NFIB: variants seen among roughly 807,000 people sequenced by gnomAD.
NFIB encodes the protein nuclear factor 1 B-type.
In NFIB, 11 loss-of-function variants were observed where a neutral mutation model predicts 61.5. The observed-to-expected ratio is 0.18, with a 90% CI of 0.11 to 0.30. The LOEUF is 0.30. Among genes scored for constraint, NFIB ranks in the 10% least tolerant of loss-of-function variants. The probability of loss-of-function intolerance (pLI) is 1.00; values close to 1 mark genes in which losing one functional copy is unlikely to be tolerated. For synonymous variants in NFIB, 260 were observed against 216.5 expected (o/e 1.20, Z -1.76); for missense variants, 471 against 608.9 (o/e 0.77, Z 2.38).
At chr9:14,199,615 T>C (rs995812469) in intron 2 of NFIB, among the ~76,000 whole-genome samples, 16 of 152,370 alleles carry the variant, frequency 1.1e-4, no homozygotes, top group African/African-American at 3.6e-4. Flanking sequence ...AGTCTCATTA[T>C]GCTTATAGCC....
chr9:14,294,712 A>G (rs925286543), intron 2 of NFIB, among the ~76,000 whole-genome samples: 2 of 152,204 alleles, frequency 1.3e-5, no homozygotes, highest in Non-Finnish European at 2.9e-5. Flanking sequence ...CAAACAGTGA[A>G]ATAACTTTTC....
In NFIB at chr9:14,125,660, A is replaced by C. The variant is rs1161710546; in HGVS notation, c.1032T>G (p.His344Gln). 3 of 1,614,094 alleles carry C rather than the reference A, an allele frequency of 1.9e-6. No individual in the cohort carries two copies. Among genetic ancestry groups the C allele is most frequent in the Non-Finnish European group, 1.7e-6 (2 of 1,179,978 alleles). ...TGTGTGCAACTCCAGGTATTCCGGG[A>C]TGGTGGTGCTGGGGGAAAGTGCTCA... Reference protein sequence around the residue: ...PRLSTFPQHHHPGIPGVAHSV... With the variant: ...PRLSTFPQHHQPGIPGVAHSV... The change falls in exon 7 of 11, where the codon CAT becomes CAG. Residue 344 changes from histidine (H) to glutamine (Q), a missense_variant. Around this residue, in one of 2 missense-constraint regions of NFIB, gnomAD observed 372 missense variants for 395.6 expected, o/e 0.94. Coordinates refer to ENST00000380953, the MANE Select transcript of NFIB (RefSeq NM_001190737.2).
chr9:14,093,167 G>A (rs2034219677), intron 10 of NFIB, among the ~76,000 whole-genome samples: 1 of 152,116 alleles, frequency 6.6e-6, no homozygotes, highest in African/African-American at 2.4e-5. Flanking sequence ...TTTATTTGGA[G>A]GTGATGAAAC....
intron 6 of NFIB, among the ~76,000 whole-genome samples, chr9:14,137,752 T>C (rs919084384): frequency 2.6e-5 from 4 of 152,136 alleles, no homozygotes; most frequent in African/African-American, 7.2e-5. Context: ...TTGACAAATA[T>C]AGCTCATTTT....
At chr9:14,128,806 G>A (rs2040034668) in intron 6 of NFIB, among the ~76,000 whole-genome samples, 2 of 151,944 alleles carry the variant, frequency 1.3e-5, no homozygotes, top group South Asian at 2.1e-4. Context: ...TGCAACTACT[G>A]TAACTATATC....
At chr9:14,529,853 A>T in the NFIB span, among the ~76,000 whole-genome samples, 1 of 152,196 alleles carries the variant, frequency 6.6e-6, no homozygotes, top group Non-Finnish European at 1.5e-5. Context: ...GTCCCTGTAC[A>T]CACTCGGCAT....
intron 1 of NFIB, among the ~76,000 whole-genome samples, chr9:14,309,138 T>G (rs1213545072): frequency 2.0e-5 from 3 of 152,208 alleles, no homozygotes; most frequent in African/African-American, 7.2e-5. Context: ...CACCCTGAAC[T>G]ACGTGGAATA....
intron 2 of NFIB, among the ~76,000 whole-genome samples, chr9:14,245,675 C>T (rs2132078334): frequency 6.6e-6 from 1 of 152,170 alleles, no homozygotes; most frequent in South Asian, 2.1e-4. Flanking sequence ...GAGTTCAAGA[C>T]CAACCTGGCC....
At chr9:14,471,197 C>T in the NFIB span, among the ~76,000 whole-genome samples, 1 of 152,200 alleles carries the variant, frequency 6.6e-6, no homozygotes, top group South Asian at 2.1e-4. Context: ...TCCAGTCTTT[C>T]ACTTAAACAG....
chr9:14,403,032 A>G (rs2061756914), upstream of NFIB, among the ~76,000 whole-genome samples: 1 of 152,228 alleles, frequency 6.6e-6, no homozygotes, highest in African/African-American at 2.4e-5. Flanking sequence ...CATCCAGGCT[A>G]ATAGTCTCAG....
intron 2 of NFIB, among the ~76,000 whole-genome samples, chr9:14,247,690 T>C (rs2055089756): frequency 6.6e-6 from 1 of 152,204 alleles, no homozygotes; most frequent in South Asian, 2.1e-4. Flanking sequence ...ACTTACCTTG[T>C]AGGGTCACTG....
At chr9:14,175,826 T>A (rs2046126403) in intron 3 of NFIB, among the ~76,000 whole-genome samples, 1 of 152,250 alleles carries the variant, frequency 6.6e-6, no homozygotes, top group Non-Finnish European at 1.5e-5. Flanking sequence ...GCATTTAACA[T>A]GTCTTCGTCA....
the NFIB span, among the ~76,000 whole-genome samples, chr9:14,432,016 T>G: frequency 1.3e-5 from 2 of 152,192 alleles, no homozygotes; most frequent in Non-Finnish European, 2.9e-5. Context: ...GGGAGACAAC[T>G]GAGGTGTCTC....
At chr9:14,429,693 A>G in the NFIB span, among the ~76,000 whole-genome samples, 2 of 152,148 alleles carry the variant, frequency 1.3e-5, no homozygotes, top group East Asian at 3.9e-4. Context: ...CCACCAGCTG[A>G]CACTCTGGGT....
At chr9:14,454,559 A>G in the NFIB span, among the ~76,000 whole-genome samples, 1 of 152,012 alleles carries the variant, frequency 6.6e-6, no homozygotes, top group Admixed American at 6.5e-5. Context: ...TTTTCTTACC[A>G]TTTTCTCTTA....
At chr9:14,265,682 G>A (rs1024562991) in intron 2 of NFIB, among the ~76,000 whole-genome samples, 4 of 152,162 alleles carry the variant, frequency 2.6e-5, no homozygotes, top group African/African-American at 9.7e-5. Context: ...CTCTGAGACA[G>A]CATTCCTCTC....
intron 1 of NFIB, chr9:14,322,155 C>T (rs1029730049): frequency 3.3e-6 from 4 of 1,199,758 alleles, no homozygotes; most frequent in Non-Finnish European, 4.1e-6. Context: ...TGCACTGCCA[C>T]AGTTCTTGGC....
chr9:14,516,689 A>G, the NFIB span, among the ~76,000 whole-genome samples: 1 of 152,230 alleles, frequency 6.6e-6, no homozygotes, highest in African/African-American at 2.4e-5. Context: ...TAGGCCTTGT[A>G]AGAGAAAAAT....
At chr9:14,438,844 G>A in the NFIB span, among the ~76,000 whole-genome samples, 1 of 152,184 alleles carries the variant, frequency 6.6e-6, no homozygotes, top group Non-Finnish European at 1.5e-5. Flanking sequence ...GGCTCTGCAT[G>A]TAGAAAGAGG....
Sources: gnomAD v4.1 joint callset for allele counts (sites outside exome capture counted in the v4.1 genomes callset) on GRCh38, gnomAD v4.1.1 for gene constraint, gnomAD v4.1.1 regional missense constraint, MANE v1.5 for transcripts, NCBI Gene and HGNC (gene_info 2026-07-23, HGNC 2026-07-21) for gene names.